The following SFMBT2 variants were observed in gnomAD, a reference collection of about 807,000 sequenced individuals.
SFMBT2 encodes the protein scm-like with four MBT domains protein 2.
In SFMBT2, 38 loss-of-function variants were observed where a neutral mutation model predicts 110.1. The observed-to-expected ratio is 0.35, with a 90% confidence interval of 0.27 to 0.45. The LOEUF is 0.45. Ranked by LOEUF, SFMBT2 falls within the 20% of genes least tolerant of loss-of-function variation. The pLI is 1.00. For missense variants in SFMBT2, 1,011 were observed against 1,094.9 expected (o/e 0.92, Z 1.08); for synonymous variants, 425 against 425.4 (o/e 1.00, Z 0.01).
intron 13 of SFMBT2, among the ~76,000 whole-genome samples, chr10:7,201,868 G>A (rs1838968419): frequency 6.6e-6 from 1 of 152,242 alleles, no homozygotes. Context: ...AATCACGACT[G>A]AAATGGGGGA....
chr10:7,386,239 T>C (rs1845601033), intron 1 of SFMBT2, among the ~76,000 whole-genome samples: 1 of 152,192 alleles, frequency 6.6e-6, no homozygotes, highest in African/African-American at 2.4e-5. Context: ...CACAACTCCA[T>C]CTTGTCCAGT....
At chr10:7,386,143 T>C (rs757715987) in intron 1 of SFMBT2, among the ~76,000 whole-genome samples, 12 of 152,082 alleles carry the variant, frequency 7.9e-5, no homozygotes, top group Non-Finnish European at 1.3e-4. Context: ...CATCTCAGGA[T>C]GGCTCATGCT....
chr10:7,350,652 A>G (rs936665621), intron 4 of SFMBT2, among the ~76,000 whole-genome samples: 2 of 152,224 alleles, frequency 1.3e-5, no homozygotes, highest in African/African-American at 4.8e-5. Flanking sequence ...AAGCTGGAAT[A>G]AAGACTGTTT....
intron 20 of SFMBT2, among the ~76,000 whole-genome samples, chr10:7,164,791 A>C (rs10752103): frequency 0.26 from 28,245 of 108,102 alleles, 651 homozygotes; most frequent in Non-Finnish European, 0.34. Context: ...ACACACACAC[A>C]CCATTTACAG....
intron 4 of SFMBT2, among the ~76,000 whole-genome samples, chr10:7,303,626 TTC>T (rs1226766482): frequency 2.6e-5 from 4 of 152,190 alleles, no homozygotes; most frequent in South Asian, 4.1e-4. Flanking sequence ...TCTTGATGAT[TTC>T]TGTCAGTATA....
intron 9 of SFMBT2, among the ~76,000 whole-genome samples, chr10:7,239,629 G>T (rs1302605031): frequency 6.6e-6 from 1 of 152,168 alleles, no homozygotes; most frequent in Non-Finnish European, 1.5e-5. Context: ...ATGAAGCCAT[G>T]ACTGTCTTTT....
chr10:7,337,827 G>C (rs541609660), intron 4 of SFMBT2, among the ~76,000 whole-genome samples: 4 of 152,288 alleles, frequency 2.6e-5, no homozygotes, highest in Non-Finnish European at 5.9e-5. Context: ...GAAAATGGCA[G>C]ATTCAGTCTA....
At chr10:7,192,658 A>G (rs777414935) in intron 15 of SFMBT2, among the ~76,000 whole-genome samples, 16 of 152,196 alleles carry the variant, frequency 1.1e-4, no homozygotes, top group Non-Finnish European at 4.4e-5. Context: ...AGGGGCAGAA[A>G]TCGAAACCGT....
intron 7 of SFMBT2, among the ~76,000 whole-genome samples, chr10:7,250,458 T>G (rs1840768850): frequency 6.6e-6 from 1 of 152,256 alleles, no homozygotes; most frequent in African/African-American, 2.4e-5. Flanking sequence ...ATGGTATATA[T>G]GTACCACATT....
At chr10:7,379,688 G>T (rs1845368978) in intron 2 of SFMBT2, among the ~76,000 whole-genome samples, 1 of 152,166 alleles carries the variant, frequency 6.6e-6, no homozygotes, top group Non-Finnish European at 1.5e-5. Context: ...AGATCATTTA[G>T]AGCCATTTAG....
chr10:7,311,803 G>A (rs1440691787), intron 4 of SFMBT2, among the ~76,000 whole-genome samples: 1 of 152,162 alleles, frequency 6.6e-6, no homozygotes, highest in African/African-American at 2.4e-5. Flanking sequence ...CTAAAAAAGG[G>A]GGTTTATTGA....
chr10:7,374,226 C>T (rs1430911436), intron 2 of SFMBT2, among the ~76,000 whole-genome samples: 3 of 152,166 alleles, frequency 2.0e-5, no homozygotes, highest in Non-Finnish European at 4.4e-5. Context: ...GGTGCCACTA[C>T]ACTCTAGACT....
intron 10 of SFMBT2, among the ~76,000 whole-genome samples, chr10:7,225,125 C>T (rs577878880): frequency 3.3e-5 from 5 of 152,282 alleles, no homozygotes; most frequent in African/African-American, 7.2e-5. Context: ...ACAATCCCAT[C>T]GGCCGCTTGA....
At position 7,163,811 on chromosome 10, in the gene SFMBT2, C is replaced by T. The variant is rs145593608; in HGVS notation, c.2644G>A (p.Glu882Lys). The T allele has an allele frequency of 6.8e-6, 11 of 1,614,212 alleles. No individual in the cohort carries two copies. Among genetic ancestry groups the T allele is most frequent in the Non-Finnish European group, 8.5e-6 (10 of 1,180,048 alleles). Reference sequence around the variant, plus strand: ...GCGTAGAAAGCCACTTTGACTCTCTCGATCTGGTGGCATAACTTGATGGCA... The same window carrying T: ...GCGTAGAAAGCCACTTTGACTCTCTTGATCTGGTGGCATAACTTGATGGCA... ...GPAIKLCHQI[E>K]RVKVAFYAQY... The change falls in exon 21 of 21, where the codon GAG becomes AAG. Residue 882 changes from glutamate to lysine, a missense_variant. Transcript: ENST00000397167. This position sits in a 1 kb window ranked among gnomAD's most constrained non-coding sequence, Gnocchi z 4.8.
At chr10:7,343,492 T>C (rs1302398769) in intron 4 of SFMBT2, among the ~76,000 whole-genome samples, 1 of 152,200 alleles carries the variant, frequency 6.6e-6, no homozygotes, top group East Asian at 1.9e-4. Context: ...CTGAACTAAG[T>C]TACATTCCCA....
intron 4 of SFMBT2, among the ~76,000 whole-genome samples, chr10:7,357,913 G>A (rs1407185871): frequency 6.6e-6 from 1 of 152,074 alleles, no homozygotes; most frequent in Non-Finnish European, 1.5e-5. Context: ...GCCCTGGAGT[G>A]AAACCCAATG....
intron 4 of SFMBT2, among the ~76,000 whole-genome samples, chr10:7,299,570 A>C (rs917151228): frequency 3.3e-5 from 5 of 152,210 alleles, no homozygotes; most frequent in Non-Finnish European, 5.9e-5. Flanking sequence ...GATTATTAAA[A>C]AGTCAGGAAA....
At chr10:7,228,004 C>T in intron 9 of SFMBT2, 67 bp from the exon 10 acceptor site, 1 of 1,203,752 alleles carries the variant, frequency 8.3e-7, no homozygotes, top group East Asian at 2.6e-5. Flanking sequence ...TGAGCAAAAT[C>T]AGAAGGGGTG....
chr10:7,225,887 C>T (rs146261619), intron 10 of SFMBT2, among the ~76,000 whole-genome samples: 3 of 152,038 alleles, frequency 2.0e-5, no homozygotes, highest in African/African-American at 7.3e-5. Context: ...TTCCACGGCC[C>T]TCAATGAAAG....
Sources: allele counts gnomAD v4.1 joint callset (sites outside exome capture counted in the v4.1 genomes callset), GRCh38; gene constraint gnomAD v4.1.1; non-coding constraint Gnocchi (gnomAD v3.1); transcripts MANE v1.5; gene names NCBI Gene and HGNC (gene_info 2026-07-23, HGNC 2026-07-21).